The following MXD1 variants were observed in gnomAD, a reference collection of about 807,000 sequenced individuals.
MXD1 encodes MAX dimerization protein 1.
A neutral mutation model predicts 25.7 loss-of-function variants in MXD1; 9 were observed. The ratio of observed to expected loss-of-function variants is 0.35; its 90% CI spans 0.21 to 0.61. The LOEUF is 0.61. Ranked by LOEUF, MXD1 falls within the 20% of genes least tolerant of loss-of-function variation. The probability of loss-of-function intolerance (pLI) is 0.75; values close to 1 mark genes in which losing one functional copy is unlikely to be tolerated. For synonymous variants in MXD1, 99 were observed against 113.9 expected, an observed-to-expected ratio of 0.87 and a Z score of 0.83; for missense variants, 227 against 292.4, an observed-to-expected ratio of 0.78 and a Z score of 1.63.
Position 69,915,178 on chromosome 2 carries a change from C to T in MXD1, c.-153C>T, listed in dbSNP as rs551083800. On this transcript the variant is annotated 5_prime_UTR_variant, in exon 1 of 6. Coordinates refer to ENST00000264444, the MANE Select transcript of MXD1 (RefSeq NM_002357.4). This position sits in a 1 kb window ranked among gnomAD's most constrained non-coding sequence, Gnocchi z 5.8. ...CTGGCCCCCTCCCTCTCTTGTCGAG[C>T]GTGGTTGCCAGAGAGGCTCCCTCAG... The T allele has an allele frequency of 1.1e-4, 58 of 546,920 alleles. No individual in the cohort carries two copies. The allele number at this position is 546,920 out of a possible 1,614,324, so 33.9% of individuals were successfully genotyped here.
Position 69,938,170 on chromosome 2 carries a change from C to T in MXD1, c.552C>T (p.Ser184=), listed in dbSNP as rs148753961. Residue 184 remains serine, a synonymous_variant, in exon 6 of 6, where the codon AGC becomes AGT. Transcript: ENST00000264444. ...GDLDWSSSSV[S]DSDERGSMQS... The stretch of plus-strand genomic sequence containing the variant: ...TGGACTGGAGCAGCAGCAGTGTGAG[C>T]GACTCTGACGAGCGGGGCAGCATGC... The T allele has an allele frequency of 1.2e-4, 192 of 1,614,060 alleles. No homozygotes were observed. The highest frequency in any genetic ancestry group is 1.4e-4 in the Non-Finnish European group (168 of 1,180,038).
intron 3 of MXD1, among the ~76,000 whole-genome samples, chr2:69,931,090 A>C (rs1677270884): frequency 6.6e-6 from 1 of 152,180 alleles, no homozygotes; most frequent in Non-Finnish European, 1.5e-5. Flanking sequence ...GGGGTACATG[A>C]GGTGTTTGAT....
At chr2:69,930,879 A>G (rs1677266034) in intron 3 of MXD1, among the ~76,000 whole-genome samples, 1 of 152,184 alleles carries the variant, frequency 6.6e-6, no homozygotes, top group Non-Finnish European at 1.5e-5. Context: ...GTCTCAGTCA[A>G]TACCCATGAC....
rs1167984362 is a variant in MXD1, at chr2:69,915,204, C to T, written c.-127C>T. 2 of 835,076 alleles carry T rather than the reference C, an allele frequency of 2.4e-6. No homozygotes were observed. Among genetic ancestry groups the T allele is most frequent in the Non-Finnish European group, 3.3e-6 (2 of 610,182 alleles). 51.7% of individuals were successfully genotyped at this position (835,076 alleles called of 1,614,324 possible). ...GTGGTTGCCAGAGAGGCTCCCTCAGCCCTGCTCCGCGGGGTCCACAGCGGG... is the reference window on the plus strand; with the variant it reads ...GTGGTTGCCAGAGAGGCTCCCTCAGTCCTGCTCCGCGGGGTCCACAGCGGG... On this transcript the variant is annotated 5_prime_UTR_variant, in exon 1 of 6. Transcript: ENST00000264444. The surrounding 1 kb of genome is among the most constrained non-coding windows in gnomAD (Gnocchi z 5.8).
At chr2:69,929,126 C>T (rs1306619388) in intron 3 of MXD1, among the ~76,000 whole-genome samples, 1 of 152,176 alleles carries the variant, frequency 6.6e-6, no homozygotes, top group East Asian at 1.9e-4. Context: ...CTCCTGGCCT[C>T]AAGTGATCCA....
At chr2:69,936,402 T>G (rs1017839921) in intron 4 of MXD1, among the ~76,000 whole-genome samples, 1 of 152,038 alleles carries the variant, frequency 6.6e-6, no homozygotes, top group Non-Finnish European at 1.5e-5. Context: ...GGGCACAGAG[T>G]TGACACTCTC....
rs73938903 is a variant in MXD1, at chr2:69,915,933, T to G, written c.74-188T>G. On this transcript the variant is annotated intron_variant, in intron 1 of 5. Coordinates refer to ENST00000264444, the MANE Select transcript of MXD1 (RefSeq NM_002357.4). This position sits in a 1 kb window ranked among gnomAD's most constrained non-coding sequence, Gnocchi z 5.8. ...GAGCAGCTGGAATCCTCCTTACACC[T>G]GCTCCGAATTGACGATATTCACACA... Among the ~76,000 whole-genome samples the G allele has an allele frequency of 8.8e-3, 1,334 of 152,366 alleles. 16 individuals carry two copies. The highest frequency in any genetic ancestry group is 0.031 in the African/African-American group (1,271 of 41,590).
intron 3 of MXD1, among the ~76,000 whole-genome samples, chr2:69,923,185 T>C (rs1429297168): frequency 6.6e-6 from 1 of 152,178 alleles, no homozygotes; most frequent in Non-Finnish European, 1.5e-5. Context: ...TGCCCAGACC[T>C]TACCCTTAGC....
At chr2:69,920,200 A>T (rs1677039481) in intron 2 of MXD1, among the ~76,000 whole-genome samples, 1 of 151,668 alleles carries the variant, frequency 6.6e-6, no homozygotes, top group African/African-American at 2.4e-5. Context: ...GTTGGCCAGG[A>T]TGGTCTCAAT....
At chr2:69,932,841 A>C (rs1479453030) in intron 3 of MXD1, among the ~76,000 whole-genome samples, 2 of 152,224 alleles carry the variant, frequency 1.3e-5, no homozygotes, top group African/African-American at 2.4e-5. Context: ...CACTGTTCTG[A>C]ATCATGCAGT....
chr2:69,935,604 C>T lies in MXD1; in HGVS notation c.318+139C>T. The T allele has an allele frequency of 1.2e-5, 8 of 649,662 alleles. No individual in the cohort carries two copies. The South Asian group carries it at 1.4e-4, about 12-fold the overall frequency. 40.2% of individuals were successfully genotyped at this position (649,662 alleles called of 1,614,324 possible). A position where few individuals can be genotyped will look rare whatever the true frequency, so the allele number is the denominator to read the frequency against. On this transcript the variant is annotated intron_variant, in intron 4 of 5. Coordinates refer to ENST00000264444, the MANE Select transcript of MXD1 (RefSeq NM_002357.4). ...TGAATCACAGGTACCTCAAATGCAA[C>T]ATATTCAAAACCCAACTGAGTGTTT...
intron 2 of MXD1, among the ~76,000 whole-genome samples, chr2:69,918,861 A>G (rs1677007715): frequency 6.6e-6 from 1 of 152,158 alleles, no homozygotes; most frequent in South Asian, 2.1e-4. Flanking sequence ...TTAATTAAAA[A>G]CGTAAATGTT....
chr2:69,929,226 C>G (rs1042062893), intron 3 of MXD1, among the ~76,000 whole-genome samples: 5 of 152,166 alleles, frequency 3.3e-5, no homozygotes, highest in African/African-American at 1.2e-4. Flanking sequence ...GAGAACTAAT[C>G]ACAGATAACA....
rs1429464346 is a variant in MXD1 at position 69,938,663 on chromosome 2, C to G, written c.*379C>G. On this transcript the variant is annotated 3_prime_UTR_variant, in exon 6 of 6. Coordinates refer to ENST00000264444, the MANE Select transcript of MXD1 (RefSeq NM_002357.4). ...TGTGTTACTTGCCTAGGAGGAATGT[C>G]CAAGTGTGTCTTGTACTTAGGAAAC... 1 of 173,358 alleles carries G rather than the reference C, an allele frequency of 5.8e-6. No individual in the cohort carries two copies. Among genetic ancestry groups the G allele is most frequent in the Non-Finnish European group, 1.2e-5 (1 of 80,370 alleles). The allele number at this position is 173,358 out of a possible 1,614,324, so 10.7% of individuals were successfully genotyped here. A position where few individuals can be genotyped will look rare whatever the true frequency, so the allele number is the denominator to read the frequency against.
chr2:69,926,149 C>T (rs1232622989), intron 3 of MXD1, among the ~76,000 whole-genome samples: 6 of 152,088 alleles, frequency 3.9e-5, no homozygotes, highest in Non-Finnish European at 7.4e-5. Flanking sequence ...AAGATATTGA[C>T]ACTTTTTCTA....
intron 3 of MXD1, among the ~76,000 whole-genome samples, chr2:69,934,005 C>T (rs1413588706): frequency 1.3e-5 from 2 of 152,206 alleles, no homozygotes; most frequent in Non-Finnish European, 2.9e-5. Context: ...TAGAGATGGA[C>T]TCTGTCCTCT....
chr2:69,941,885 C>CAT lies in MXD1; in HGVS notation c.*3604_*3605dup. ...ATATACACACACACACACACACACA[C>CAT]ATATTATTATTTAGGTTTTTATACC... On this transcript the variant is annotated 3_prime_UTR_variant, in exon 6 of 6. Coordinates refer to ENST00000264444, the MANE Select transcript of MXD1 (RefSeq NM_002357.4). The CAT allele has an allele frequency of 6.6e-6, 1 of 151,930 alleles. No homozygotes were observed. The allele number at this position is 151,930 out of a possible 1,614,324, so 9.4% of individuals were successfully genotyped here.
At chr2:69,916,699 G>A (rs901879631) in intron 2 of MXD1, among the ~76,000 whole-genome samples, 1 of 152,150 alleles carries the variant, frequency 6.6e-6, no homozygotes, top group African/African-American at 2.4e-5. Context: ...AAATACAGTG[G>A]TTTGTTTGAT....
intron 3 of MXD1, among the ~76,000 whole-genome samples, 161 bp downstream of exon 3, chr2:69,921,926 G>A (rs1319991664): frequency 6.6e-6 from 1 of 152,072 alleles, no homozygotes; most frequent in Non-Finnish European, 1.5e-5. Context: ...AATTACTTAG[G>A]TAGATGTAGA....
Sources: allele counts gnomAD v4.1 joint callset (sites outside exome capture counted in the v4.1 genomes callset), GRCh38; gene constraint gnomAD v4.1.1; non-coding constraint Gnocchi (gnomAD v3.1); transcripts MANE v1.5; gene names NCBI Gene and HGNC (gene_info 2026-07-23, HGNC 2026-07-21).